Variants in IKBKB observed in about 807,000 individuals in gnomAD.
The protein encoded by IKBKB is inhibitor of nuclear factor kappa-B kinase subunit beta.
In IKBKB, 42 loss-of-function variants were observed where a neutral mutation model predicts 113.6. The ratio of observed to expected loss-of-function variants is 0.37; its 90% CI spans 0.29 to 0.48. The LOEUF (loss-of-function observed/expected upper bound fraction) is 0.48, where lower values mean the gene tolerates loss of function less well. Ranked by LOEUF, IKBKB falls within the 20% of genes least tolerant of loss-of-function variation. The probability of loss-of-function intolerance (pLI) is 0.99; values close to 1 mark genes in which losing one functional copy is unlikely to be tolerated. For synonymous variants in IKBKB, 296 were observed against 361.3 expected (o/e 0.82, Z 2.05); for missense variants, 673 against 939.7 (o/e 0.72, Z 3.71).
Position 42,330,983 on chromosome 8 carries a change from G to A in IKBKB, c.*4G>A, listed in dbSNP as rs762696791. ...CTGCCTGGAGCAGGCCTCATGATGT[G>A]GGGGGACTCGACCCCCTGACATGGG... On this transcript the variant is annotated 3_prime_UTR_variant, in exon 22 of 22. Transcript: ENST00000520810. 6 of 1,613,752 alleles carry A rather than the reference G, an allele frequency of 3.7e-6. No homozygotes were observed. The highest frequency in any genetic ancestry group is 2.2e-5 in the East Asian group (1 of 44,878).
At chr8:42,330,017 C>A in intron 21 of IKBKB, 1 of 985,456 alleles carries the variant, frequency 1.0e-6, no homozygotes, top group Middle Eastern at 5.2e-4. Flanking sequence ...TCTCTTGCTG[C>A]TCTCCTCCTC....
chr8:42,321,123 C>T (rs1187709656), intron 16 of IKBKB: 1 of 302,898 alleles, frequency 3.3e-6, no homozygotes, highest in African/African-American at 2.2e-5. Context: ...ATGCAAGCAG[C>T]CTCTACCCCT....
In IKBKB at chr8:42,293,526, C is replaced by G; in HGVS notation, c.388+14C>G. ...TGAGTGACATTGGTAAATCCCAGTC[C>G]CGGAATTCAGGCCGTGTCCTTCAGG... On this transcript the variant is annotated intron_variant, in intron 5 of 21. Transcript: ENST00000520810. 11 of 1,614,114 alleles carry G rather than the reference C, an allele frequency of 6.8e-6. No individual in the cohort carries two copies. Among genetic ancestry groups the G allele is most frequent in the Non-Finnish European group, 9.3e-6 (11 of 1,180,012 alleles).
intron 21 of IKBKB, chr8:42,329,548 G>A: frequency 1.1e-6 from 1 of 881,002 alleles, no homozygotes; most frequent in Non-Finnish European, 1.4e-6. Context: ...CATAATAATA[G>A]TGATGTCTAA....
At chr8:42,298,288 A>T (rs1374910116) in intron 5 of IKBKB, 1 of 985,162 alleles carries the variant, frequency 1.0e-6, no homozygotes, top group Non-Finnish European at 1.2e-6. Context: ...CCTTTCCTGG[A>T]TTCTGCAGGT....
At chr8:42,320,605 A>G in intron 15 of IKBKB, 130 bp from the exon 16 acceptor site, 1 of 735,448 alleles carries the variant, frequency 1.4e-6, no homozygotes, top group African/African-American at 1.8e-5. Context: ...CACAGTCCAC[A>G]TTCCTTTGAG....
chr8:42,293,476 C>T lies in IKBKB; in HGVS notation c.352C>T (p.Arg118Trp), dbSNP rs201303042. 29 of 1,613,968 alleles carry T rather than the reference C, an allele frequency of 1.8e-5. No individual in the cohort carries two copies. Among genetic ancestry groups the T allele is most frequent in the East Asian group, 2.2e-5 (1 of 44,894 alleles). ...LNQFENCCGL[R>W]EGAILTLLSD... ...CCAGTTTGAGAACTGCTGTGGTCTG[C>T]GGGAAGGTGCCATCCTCACCTTGCT... Residue 118 changes from arginine to tryptophan, a missense_variant, in exon 5 of 22, where the codon CGG becomes TGG. Coordinates refer to ENST00000520810, the MANE Select transcript of IKBKB (RefSeq NM_001556.3).
At chr8:42,326,273 C>G in intron 20 of IKBKB, 176 bp downstream of exon 20, 1 of 696,940 alleles carries the variant, frequency 1.4e-6, no homozygotes. Flanking sequence ...CTCTCATAGT[C>G]CCTTGAAACT....
intron 2 of IKBKB, among the ~76,000 whole-genome samples, chr8:42,284,849 ATTCTT>A (rs1176909366): frequency 1.6e-5 from 2 of 126,302 alleles, no homozygotes; most frequent in African/African-American, 6.5e-5. Context: ...AAGAAACGTT[ATTCTT>A]TTTTTTTTTT....
At chr8:42,288,918 C>T (rs2130291265) in intron 3 of IKBKB, among the ~76,000 whole-genome samples, 190 bp downstream of exon 3, 1 of 152,214 alleles carries the variant, frequency 6.6e-6, no homozygotes, top group African/African-American at 2.4e-5. Context: ...CCCGTCTCTA[C>T]TAAAAATACA....
At chr8:42,329,800 C>T (rs938714385) in intron 21 of IKBKB, 2 of 985,236 alleles carry the variant, frequency 2.0e-6, no homozygotes, top group African/African-American at 3.5e-5. Flanking sequence ...GAAAACTAGC[C>T]AAGTTACAGG....
Position 42,331,243 on chromosome 8 carries a change from T to C in IKBKB, c.*264T>C. Reference sequence around the variant, plus strand: ...CCGTGGGCACTGCCGGCGCCTTGTCTGCACACTGGAGGTCCTCCATTACAG... The same window carrying C: ...CCGTGGGCACTGCCGGCGCCTTGTCCGCACACTGGAGGTCCTCCATTACAG... On this transcript the variant is annotated 3_prime_UTR_variant, in exon 22 of 22. Coordinates refer to ENST00000520810, the MANE Select transcript of IKBKB (RefSeq NM_001556.3). The C allele has an allele frequency of 1.4e-6, 1 of 706,390 alleles. No individual in the cohort carries two copies. Among genetic ancestry groups the C allele is most frequent in the Non-Finnish European group, 2.6e-6 (1 of 389,684 alleles). The allele number at this position is 706,390 out of a possible 1,614,324, so 43.8% of individuals were successfully genotyped here. A position where few individuals can be genotyped will look rare whatever the true frequency, so the allele number is the denominator to read the frequency against.
intron 3 of IKBKB, 83 bp from the exon 4 acceptor site, chr8:42,290,073 T>G: frequency 1.0e-6 from 1 of 964,588 alleles, no homozygotes; most frequent in Non-Finnish European, 1.6e-6. Context: ...TCCTGGGCCT[T>G]TGTTGCTGAG....
intron 2 of IKBKB, among the ~76,000 whole-genome samples, chr8:42,278,779 G>A (rs1367733365): frequency 6.6e-6 from 1 of 152,142 alleles, no homozygotes; most frequent in Non-Finnish European, 1.5e-5. Context: ...TGGATCACCT[G>A]AGGTTGGGAG....
chr8:42,299,787 G>A (rs1319253222), intron 5 of IKBKB, among the ~76,000 whole-genome samples: 1 of 152,200 alleles, frequency 6.6e-6, no homozygotes, highest in Non-Finnish European at 1.5e-5. Context: ...CCGTCCTTTG[G>A]GCACAGCTGC....
At chr8:42,309,159 TC>T in intron 8 of IKBKB, 134 bp downstream of exon 8, 1 of 995,406 alleles carries the variant, frequency 1.0e-6, no homozygotes, top group Non-Finnish European at 1.5e-6. Flanking sequence ...GGAAGGCCTG[TC>T]AGGACCTAGC....
chr8:42,287,942 C>T (rs1167128590), intron 2 of IKBKB, among the ~76,000 whole-genome samples: 1 of 152,160 alleles, frequency 6.6e-6, no homozygotes, highest in Non-Finnish European at 1.5e-5. Context: ...GGTCAATTAT[C>T]AGCAGTGTCC....
chr8:42,321,994 G>A (rs776130021), intron 17 of IKBKB, 49 bp downstream of exon 17: 2 of 1,605,602 alleles, frequency 1.2e-6, no homozygotes, highest in South Asian at 1.1e-5. Flanking sequence ...TCTCATTTAT[G>A]GGGCATCACT....
intron 20 of IKBKB, among the ~76,000 whole-genome samples, chr8:42,328,247 CT>C (rs59970761): frequency 0.077 from 10,211 of 132,486 alleles, 413 homozygotes; most frequent in African/African-American, 0.12. Flanking sequence ...GCACCCGGCC[CT>C]TTTTTTTTTT....
Sources: allele counts gnomAD v4.1 joint callset (sites outside exome capture counted in the v4.1 genomes callset), GRCh38; gene constraint gnomAD v4.1.1; transcripts MANE v1.5; gene names NCBI Gene and HGNC (gene_info 2026-07-23, HGNC 2026-07-21).